The following GLIS3 variants were observed in gnomAD, a reference collection of about 807,000 sequenced individuals.
The protein encoded by GLIS3 is GLIS family zinc finger 3.
GLIS3 carries 53 observed loss-of-function variants against 78.6 expected under a neutral mutation model. The observed-to-expected ratio is 0.67, with a 90% CI of 0.54 to 0.85. GLIS3 has a LOEUF of 0.85. Ranked by LOEUF, GLIS3 falls within the 40% of genes least tolerant of loss-of-function variation. The pLI is 0.00. For synonymous variants in GLIS3, 684 were observed against 509.9 expected, an observed-to-expected ratio of 1.34 and a Z score of -4.60; for missense variants, 1,703 against 1,231.1, an observed-to-expected ratio of 1.38 and a Z score of -5.74.
At chr9:4,333,203 G>T (rs1817710249) in intron 2 of GLIS3, among the ~76,000 whole-genome samples, 1 of 150,404 alleles carries the variant, frequency 6.6e-6, no homozygotes, top group Admixed American at 6.6e-5. Context: ...GCAACACAGT[G>T]AGACAAGAAT....
chr9:4,072,465 T>TATGCATAACACTTGGACAGTA (rs1490028753), intron 4 of GLIS3, among the ~76,000 whole-genome samples: 1 of 152,252 alleles, frequency 6.6e-6, no homozygotes, highest in Non-Finnish European at 1.5e-5. Flanking sequence ...GTCTTTAATC[T>TATGCATAACACTTGGACAGTA]ATGCATAACA....
intron 4 of GLIS3, among the ~76,000 whole-genome samples, chr9:3,980,194 T>C (rs1268160569): frequency 6.6e-6 from 1 of 152,198 alleles, no homozygotes; most frequent in Non-Finnish European, 1.5e-5. Context: ...GAAAAAAATT[T>C]TTTTCCAACA....
chr9:3,884,013 G>A (rs1471376506), intron 7 of GLIS3, among the ~76,000 whole-genome samples: 2 of 152,196 alleles, frequency 1.3e-5, no homozygotes, highest in Non-Finnish European at 2.9e-5. Flanking sequence ...GTAGGTGGAG[G>A]TAACTCAGTT....
intron 2 of GLIS3, among the ~76,000 whole-genome samples, chr9:4,245,204 G>A (rs1279228298): frequency 6.6e-6 from 1 of 152,176 alleles, no homozygotes; most frequent in African/African-American, 2.4e-5. Context: ...GGTTTAGAGG[G>A]ATTCTATTGT....
At chr9:4,085,667 C>A (rs941285805) in intron 4 of GLIS3, among the ~76,000 whole-genome samples, 6 of 152,166 alleles carry the variant, frequency 3.9e-5, no homozygotes, top group African/African-American at 1.4e-4. Context: ...CTAGCTTTAT[C>A]ACGGGGGCGG....
In GLIS3 at chr9:4,118,012, T is replaced by C. The variant is rs1831818629; in HGVS notation, c.1466A>G (p.Asp489Gly). 6.2e-7 allele frequency: 1 copy of C among 1,606,432 alleles called. No individual in the cohort carries two copies. The highest frequency in any genetic ancestry group is 8.5e-7 in the Non-Finnish European group (1 of 1,176,818). ...QLALPQATLD[D>G]DGEMDGIGGK... ...CCCGATGCCGTCCATCTCCCCGTCG[T>C]CGTCCAGGGTGGCCTGGGGCAAGGC... The change falls in exon 4 of 11, where the codon GAC becomes GGC. Residue 489 changes from aspartate (D) to glycine (G), a missense_variant. Transcript: ENST00000381971. The surrounding 1 kb of genome is among the most constrained non-coding windows in gnomAD (Gnocchi z 4.7).
chr9:4,329,096 T>C (rs1437950188), intron 2 of GLIS3, among the ~76,000 whole-genome samples: 1 of 152,186 alleles, frequency 6.6e-6, no homozygotes, highest in Admixed American at 6.5e-5. Flanking sequence ...AGCCTAGACC[T>C]TTTTCAATCC....
intron 2 of GLIS3, among the ~76,000 whole-genome samples, chr9:4,228,539 G>A (rs919694932): frequency 1.3e-5 from 2 of 152,184 alleles, no homozygotes; most frequent in Admixed American, 6.5e-5. Context: ...TTAACTAAGT[G>A]TCTGGTCTCA....
chr9:4,485,698 C>T, the GLIS3 span, among the ~76,000 whole-genome samples: 9 of 149,730 alleles, frequency 6.0e-5, no homozygotes, highest in Non-Finnish European at 1.2e-4. Flanking sequence ...CAGTGATCTA[C>T]TTTTGAGACT....
intron 2 of GLIS3, among the ~76,000 whole-genome samples, chr9:4,145,364 G>A (rs151242161): frequency 6.6e-6 from 1 of 152,286 alleles, no homozygotes; most frequent in East Asian, 1.9e-4. Flanking sequence ...ACACCCAAAG[G>A]TGGTTCAATT....
At chr9:4,260,495 G>A (rs955242830) in intron 2 of GLIS3, among the ~76,000 whole-genome samples, 19 of 151,612 alleles carry the variant, frequency 1.3e-4, no homozygotes, top group Admixed American at 1.3e-4. Flanking sequence ...TGAACTCGGG[G>A]GGCAGAGGTT....
chr9:4,065,083 A>C (rs1182950613), intron 4 of GLIS3, among the ~76,000 whole-genome samples: 1 of 152,218 alleles, frequency 6.6e-6, no homozygotes, highest in Non-Finnish European at 1.5e-5. Flanking sequence ...TCCCATTCCC[A>C]GTCAAGAGTA....
At chr9:4,405,649 A>T in the GLIS3 span, among the ~76,000 whole-genome samples, 6 of 152,186 alleles carry the variant, frequency 3.9e-5, no homozygotes, top group Non-Finnish European at 7.3e-5. Flanking sequence ...CCAAGCATTT[A>T]AAGAACTAAT....
intron 2 of GLIS3, among the ~76,000 whole-genome samples, chr9:4,344,850 A>G (rs1379202408): frequency 6.6e-6 from 1 of 152,124 alleles, no homozygotes; most frequent in African/African-American, 2.4e-5. Context: ...TTCCTTTCAG[A>G]TTGCCAAGGC....
intron 2 of GLIS3, among the ~76,000 whole-genome samples, chr9:4,332,818 C>T (rs944583064): frequency 2.0e-5 from 3 of 152,116 alleles, no homozygotes; most frequent in Non-Finnish European, 4.4e-5. Flanking sequence ...TATGTCAAAA[C>T]GTCTACTGGG....
intron 4 of GLIS3, among the ~76,000 whole-genome samples, chr9:3,951,850 AC>A (rs1816707603): frequency 7.0e-6 from 1 of 141,950 alleles, no homozygotes; most frequent in African/African-American, 2.8e-5. Context: ...GAACACACAC[AC>A]ACACACACAC....
intron 2 of GLIS3, among the ~76,000 whole-genome samples, chr9:4,127,694 T>C (rs1242025257): frequency 6.6e-6 from 1 of 152,190 alleles, no homozygotes; most frequent in Non-Finnish European, 1.5e-5. Context: ...ACTGAATGAA[T>C]GAATTCTCTA....
intron 1 of GLIS3, among the ~76,000 whole-genome samples, chr9:4,293,382 G>A (rs1240735338): frequency 6.6e-6 from 1 of 152,138 alleles, no homozygotes; most frequent in Non-Finnish European, 1.5e-5. Flanking sequence ...ACTATTTCTG[G>A]CTGTTGGTAG....
chr9:4,389,512 C>T, the GLIS3 span, among the ~76,000 whole-genome samples: 5 of 152,208 alleles, frequency 3.3e-5, no homozygotes, highest in South Asian at 2.1e-4. Context: ...GAAATATGGT[C>T]CTGTAGAGTC....
Sources: gnomAD v4.1 joint callset for allele counts (sites outside exome capture counted in the v4.1 genomes callset) on GRCh38, gnomAD v4.1.1 for gene constraint, Gnocchi (gnomAD v3.1) non-coding constraint, MANE v1.5 for transcripts, NCBI Gene and HGNC (gene_info 2026-07-23, HGNC 2026-07-21) for gene names.